The following PTPRD variants were observed in gnomAD, a reference collection of about 807,000 sequenced individuals.
PTPRD encodes receptor-type tyrosine-protein phosphatase delta.
Under a neutral mutation model 214.5 loss-of-function variants are expected in PTPRD, and 34 were observed. The observed-to-expected ratio is 0.16, with a 90% CI of 0.12 to 0.21. The LOEUF is 0.21. Ranked by LOEUF, PTPRD falls within the 10% of genes least tolerant of loss-of-function variation. PTPRD has a pLI of 1.00. For missense variants in PTPRD, 2,545 were observed against 2,398.7 expected, an observed-to-expected ratio of 1.06 and a Z score of -1.27; for synonymous variants, 1,128 against 845.7, an observed-to-expected ratio of 1.33 and a Z score of -5.79.
chr9:8,738,084 G>C (rs1015163655), intron 11 of PTPRD, among the ~76,000 whole-genome samples: 3 of 152,044 alleles, frequency 2.0e-5, no homozygotes, highest in African/African-American at 7.2e-5. Context: ...CAATAATTTT[G>C]CTGAATTCCA....
At chr9:8,789,753 CG>C (rs1300835345) in intron 11 of PTPRD, among the ~76,000 whole-genome samples, 2 of 152,022 alleles carry the variant, frequency 1.3e-5, no homozygotes, top group Admixed American at 1.3e-4. Flanking sequence ...CATCCCATAT[CG>C]GGAGGGGGTG....
chr9:8,726,155 T>A (rs534433061), intron 12 of PTPRD, among the ~76,000 whole-genome samples: 2 of 152,104 alleles, frequency 1.3e-5, no homozygotes, highest in African/African-American at 4.8e-5. Flanking sequence ...TAAAATGGTA[T>A]CTCCATCCAA....
intron 11 of PTPRD, among the ~76,000 whole-genome samples, chr9:8,878,400 G>A (rs1325521482): frequency 6.6e-6 from 1 of 152,150 alleles, no homozygotes; most frequent in East Asian, 1.9e-4. Context: ...GGTGGGGGAT[G>A]GTGGGGAACA....
chr9:9,942,458 T>C lies in PTPRD; in HGVS notation c.-471-3848A>G, dbSNP rs191895003. On this transcript the variant is annotated intron_variant, in intron 4 of 45. Transcript: ENST00000381196. ...TTAAAGAGTTTATAATAAATTACTA[T>C]TTATGCATCAATTTGTATATAAGAT... 1.1e-3 allele frequency among the ~76,000 whole-genome samples: 166 copies of C among 152,308 alleles called. 1 individual carries two copies. The highest frequency in any genetic ancestry group is 3.6e-3 in the Admixed American group (55 of 15,284).
intron 30 of PTPRD, among the ~76,000 whole-genome samples, chr9:8,472,719 T>C (rs1341827680): frequency 6.6e-6 from 1 of 151,894 alleles, no homozygotes; most frequent in Non-Finnish European, 1.5e-5. Flanking sequence ...TAAAATAAAT[T>C]ATTAAAATTA....
At chr9:9,765,069 G>C (rs2098695390) in intron 6 of PTPRD, among the ~76,000 whole-genome samples, 1 of 152,056 alleles carries the variant, frequency 6.6e-6, no homozygotes, top group Non-Finnish European at 1.5e-5. Context: ...TCCCTGTCTG[G>C]CAGTGCACGT....
At chr9:9,854,107 A>G (rs961070528) in intron 5 of PTPRD, among the ~76,000 whole-genome samples, 2 of 152,112 alleles carry the variant, frequency 1.3e-5, no homozygotes, top group Non-Finnish European at 2.9e-5. Flanking sequence ...CTCCTATCTA[A>G]TTGTAGTCTT....
chr9:8,541,810 C>T (rs888078056), intron 14 of PTPRD, among the ~76,000 whole-genome samples: 2 of 152,132 alleles, frequency 1.3e-5, no homozygotes, highest in African/African-American at 4.8e-5. Context: ...TTTGAACTTT[C>T]CTCTCTATCA....
intron 2 of PTPRD, among the ~76,000 whole-genome samples, chr9:10,515,481 C>G (rs2049762045): frequency 6.6e-6 from 1 of 151,892 alleles, no homozygotes; most frequent in Admixed American, 6.6e-5. Context: ...GAGCTATGAT[C>G]TTATGAATAA....
At chr9:9,358,552 A>C (rs888631705) in intron 9 of PTPRD, among the ~76,000 whole-genome samples, 2 of 151,282 alleles carry the variant, frequency 1.3e-5, no homozygotes, top group South Asian at 4.1e-4. Context: ...TTTACAGAGA[A>C]TCAATTAAGT....
intron 3 of PTPRD, among the ~76,000 whole-genome samples, chr9:10,337,275 T>G (rs1431788440): frequency 6.6e-6 from 1 of 151,728 alleles, no homozygotes; most frequent in Non-Finnish European, 1.5e-5. Flanking sequence ...TATAATAAAT[T>G]CCAAATAAAA....
Position 10,250,772 on chromosome 9 carries a change from A to G in PTPRD, c.-545+90191T>C, listed in dbSNP as rs1398636905. Among the ~76,000 whole-genome samples, 4 of 151,974 alleles carry G rather than the reference A, an allele frequency of 2.6e-5. No homozygotes were observed. In the East Asian group the frequency reaches 5.8e-4, roughly 22 times the overall value. On this transcript the variant is annotated intron_variant, in intron 3 of 45. Transcript: ENST00000381196. ...AAGGTTCAGGGAAGAAACTGTTTAT[A>G]TGTTTTACTATATATATAAAATAAT...
intron 11 of PTPRD, among the ~76,000 whole-genome samples, chr9:8,750,101 C>CAA (rs560218570): frequency 0.043 from 5,722 of 134,494 alleles, 242 homozygotes; most frequent in African/African-American, 0.12. Context: ...GACTCTGTCT[C>CAA]AAAAAAAAAA....
intron 28 of PTPRD, 71 bp downstream of exon 28, chr9:8,485,691 G>A: frequency 7.5e-7 from 1 of 1,337,192 alleles, no homozygotes; most frequent in Non-Finnish European, 1.0e-6. Flanking sequence ...AGTTATTATA[G>A]CTTCAAAATA....
intron 34 of PTPRD, 55 bp downstream of exon 34, chr9:8,449,670 G>C: frequency 6.7e-7 from 1 of 1,485,820 alleles, no homozygotes. Context: ...TATCAATTGA[G>C]CTGTACAACT....
chr9:10,417,914 T>C (rs1266065974), intron 2 of PTPRD, among the ~76,000 whole-genome samples: 3 of 151,608 alleles, frequency 2.0e-5, no homozygotes, highest in African/African-American at 7.3e-5. Context: ...TGAATCTAGA[T>C]GGTTTTTTTT....
Position 8,848,816 on chromosome 9 carries a change from C to A in PTPRD, c.-103-114870G>T, listed in dbSNP as rs1357133291. Reference sequence around the variant, plus strand: ...TTACTTTTATCTATGCAACCTTGGGCAAATTACTTAATCTCTCCATGGATC... The same window carrying A: ...TTACTTTTATCTATGCAACCTTGGGAAAATTACTTAATCTCTCCATGGATC... On this transcript the variant is annotated intron_variant, in intron 11 of 45. Coordinates refer to ENST00000381196, the MANE Select transcript of PTPRD (RefSeq NM_002839.4). Among the ~76,000 whole-genome samples, 5 of 125,748 alleles carry A rather than the reference C, an allele frequency of 4.0e-5. 1 individual carries two copies. Among genetic ancestry groups the A allele is most frequent in the Non-Finnish European group, 9.0e-5 (5 of 55,400 alleles). 82.5% of individuals were successfully genotyped at this position (125,748 alleles called of 152,430 possible). A position where few individuals can be genotyped will look rare whatever the true frequency, so the allele number is the denominator to read the frequency against.
chr9:8,739,212 G>A (rs976012620), intron 11 of PTPRD, among the ~76,000 whole-genome samples: 3 of 152,202 alleles, frequency 2.0e-5, no homozygotes, highest in African/African-American at 7.2e-5. Flanking sequence ...AATTCCCTAG[G>A]CCCTCAGTGT....
intron 2 of PTPRD, among the ~76,000 whole-genome samples, chr9:10,367,248 TGCCAAA>T (rs2097534017): frequency 6.6e-6 from 1 of 152,168 alleles, no homozygotes; most frequent in Non-Finnish European, 1.5e-5. Flanking sequence ...AATTCAATTG[TGCCAAA>T]GCCTTCCACT....
Sources: allele counts gnomAD v4.1 joint callset (sites outside exome capture counted in the v4.1 genomes callset), GRCh38; gene constraint gnomAD v4.1.1; transcripts MANE v1.5; gene names NCBI Gene and HGNC (gene_info 2026-07-23, HGNC 2026-07-21).